ADCY5: variants seen among roughly 807,000 people sequenced by gnomAD.
ADCY5 encodes adenylate cyclase 5, also known as adenylate cyclase type 5.
A neutral mutation model predicts 119.7 loss-of-function variants in ADCY5; 30 were observed. That is an observed-to-expected ratio of 0.25 (90% CI 0.19 to 0.34). The LOEUF is 0.34. ADCY5 is among the 10% of genes least tolerant of loss of function. ADCY5 has a pLI of 1.00. For synonymous variants in ADCY5, 753 were observed against 762.2 expected (o/e 0.99, Z 0.20); for missense variants, 1,324 against 1,775.2 (o/e 0.75, Z 4.57).
intron 1 of ADCY5, among the ~76,000 whole-genome samples, chr3:123,367,727 C>T (rs1231548915): frequency 6.6e-6 from 1 of 152,120 alleles, no homozygotes; most frequent in African/African-American, 2.4e-5. Flanking sequence ...CCACCCTACA[C>T]AGGTGAAGTG....
At chr3:123,346,238 C>T (rs139974315) in intron 3 of ADCY5, among the ~76,000 whole-genome samples, 1 of 152,196 alleles carries the variant, frequency 6.6e-6, no homozygotes, top group African/African-American at 2.4e-5. Flanking sequence ...GGCTCAAGCC[C>T]GGAAGTCCGG....
intron 1 of ADCY5, among the ~76,000 whole-genome samples, chr3:123,388,927 T>C (rs1297305869): frequency 1.3e-5 from 2 of 150,762 alleles, no homozygotes; most frequent in South Asian, 2.1e-4. Flanking sequence ...CGCCAGGGAG[T>C]GAAGGAGGTG....
At chr3:123,291,751 C>T (rs1428673687) in intron 17 of ADCY5, among the ~76,000 whole-genome samples, 1 of 152,152 alleles carries the variant, frequency 6.6e-6, no homozygotes, top group African/African-American at 2.4e-5. Flanking sequence ...CAAAACACAG[C>T]CCACACAGCC....
chr3:123,345,765 G>GACAC (rs1491192654), intron 3 of ADCY5, among the ~76,000 whole-genome samples: 3,880 of 135,316 alleles, frequency 0.029, 196 homozygotes, highest in African/African-American at 0.11. Context: ...CAGACAGACA[G>GACAC]ACAGACACAC....
intron 17 of ADCY5, among the ~76,000 whole-genome samples, chr3:123,294,286 G>A (rs1421902750): frequency 6.6e-6 from 1 of 152,218 alleles, no homozygotes. Context: ...ACTGAGACAA[G>A]CAGGAGCCAC....
intron 12 of ADCY5, among the ~76,000 whole-genome samples, chr3:123,304,878 C>CT (rs938740720): frequency 2.0e-5 from 3 of 152,186 alleles, no homozygotes; most frequent in African/African-American, 7.2e-5. Context: ...TCTGATGCAG[C>CT]TGGCCTTGTA....
chr3:123,383,964 G>GCA (rs1944127265), intron 1 of ADCY5, among the ~76,000 whole-genome samples: 7 of 131,294 alleles, frequency 5.3e-5, no homozygotes, highest in East Asian at 5.0e-4. Context: ...GCACGTGCGC[G>GCA]CGCGCACACA....
intron 12 of ADCY5, among the ~76,000 whole-genome samples, chr3:123,312,778 G>A (rs143327744): frequency 2.0e-5 from 3 of 152,292 alleles, no homozygotes; most frequent in South Asian, 4.1e-4. Context: ...TTTACAGCAC[G>A]TTTTGTTTAT....
In ADCY5 at chr3:123,289,825, C is replaced by T. The variant is rs761168623; in HGVS notation, c.3457G>A (p.Asp1153Asn). The stretch of plus-strand genomic sequence containing the variant: ...TGGTCCATCAGCTTCATGGCAAAGT[C>T]GGCCAGTGCCTTGATGTGGGTCTTG... ...VGKTHIKALA[D>N]FAMKLMDQMK... Residue 1153 changes from aspartate to asparagine, a missense_variant, in exon 19 of 21, where the codon GAC becomes AAC. By Grantham distance (23) the Asp-to-Asn change is conservative. Coordinates refer to ENST00000462833, the MANE Select transcript of ADCY5 (RefSeq NM_183357.3). The T allele has an allele frequency of 1.6e-5, 26 of 1,614,234 alleles. No homozygotes were observed. In the Admixed American group the frequency reaches 3.3e-4, roughly 21 times the overall value.
chr3:123,434,190 G>T (rs1396142621), intron 1 of ADCY5, among the ~76,000 whole-genome samples: 1 of 152,220 alleles, frequency 6.6e-6, no homozygotes, highest in Non-Finnish European at 1.5e-5. Flanking sequence ...ATCTGAATTT[G>T]TACAGCAGCT....
chr3:123,303,013 G>A (rs1939932722), intron 14 of ADCY5, 42 bp downstream of exon 14: 2 of 1,603,018 alleles, frequency 1.2e-6, no homozygotes, highest in Non-Finnish European at 8.5e-7. Context: ...GGAGGGCAAG[G>A]GACTCTTCAG....
At chr3:123,336,505 G>A (rs945854247) in intron 3 of ADCY5, among the ~76,000 whole-genome samples, 1 of 152,234 alleles carries the variant, frequency 6.6e-6, no homozygotes, top group African/African-American at 2.4e-5. Context: ...GCAAAGGCCT[G>A]GCTTTGGGGG....
intron 1 of ADCY5, among the ~76,000 whole-genome samples, chr3:123,438,137 C>G (rs1054531125): frequency 9.9e-5 from 15 of 152,124 alleles, no homozygotes; most frequent in African/African-American, 2.2e-4. Flanking sequence ...CCTCCCAGCC[C>G]CTGAAGAATT....
At chr3:123,339,821 A>C (rs1400019697) in intron 3 of ADCY5, among the ~76,000 whole-genome samples, 1 of 148,312 alleles carries the variant, frequency 6.7e-6, no homozygotes, top group Non-Finnish European at 1.5e-5. Context: ...TAGAAAGTCT[A>C]GAAAGATTTA....
chr3:123,327,769 G>A lies in ADCY5; in HGVS notation c.1806-10C>T, dbSNP rs1469409972. The A allele has an allele frequency of 2.5e-6, 4 of 1,613,752 alleles. No homozygotes were observed. The highest frequency in any genetic ancestry group is 1.1e-5 in the South Asian group (1 of 91,030). On this transcript the variant is annotated splice_polypyrimidine_tract_variant and intron_variant, in intron 6 of 20. Transcript: ENST00000462833. ...GGTGATGTGGATGCGTCTACAGGGGGGCAGGGATCAGGGTGGAGAGGGCAG... is the reference window on the plus strand; with the variant it reads ...GGTGATGTGGATGCGTCTACAGGGGAGCAGGGATCAGGGTGGAGAGGGCAG...
intron 1 of ADCY5, among the ~76,000 whole-genome samples, chr3:123,431,339 G>A (rs1180980652): frequency 1.3e-5 from 2 of 152,128 alleles, no homozygotes; most frequent in African/African-American, 2.4e-5. Context: ...GGAGGCTGAG[G>A]CAGAAGGATC....
In ADCY5 at chr3:123,286,862, C is replaced by T. The variant is rs112534804; in HGVS notation, c.3533-53G>A. ...CATCACATCTCTGGCTTGACCTTGC[C>T]ACCATCTGTCTCCCCACATGCTGCA... On this transcript the variant is annotated intron_variant, in intron 19 of 20. Transcript: ENST00000462833. The surrounding 1 kb of genome is among the most constrained non-coding windows in gnomAD (Gnocchi z 4.2). The T allele has an allele frequency of 1.9e-4, 288 of 1,528,584 alleles. 1 individual carries two copies. In the African/African-American group the frequency reaches 3.6e-3, roughly 19 times the overall value. The allele number at this position is 1,528,584 out of a possible 1,614,324, so 94.7% of individuals were successfully genotyped here.
At chr3:123,364,166 C>T (rs1032109787) in intron 1 of ADCY5, among the ~76,000 whole-genome samples, 5 of 151,690 alleles carry the variant, frequency 3.3e-5, no homozygotes, top group Non-Finnish European at 4.4e-5. Flanking sequence ...TTCTTTATAC[C>T]AATGAATACT....
chr3:123,352,418 G>A lies in ADCY5; in HGVS notation c.1284+14C>T. 2 of 1,608,532 alleles carry A rather than the reference G, an allele frequency of 1.2e-6. No homozygotes were observed. Among genetic ancestry groups the A allele is most frequent in the South Asian group, 1.1e-5 (1 of 90,716 alleles). On this transcript the variant is annotated intron_variant, in intron 2 of 20. Transcript: ENST00000462833. The surrounding 1 kb of genome is among the most constrained non-coding windows in gnomAD (Gnocchi z 4.8). Reference sequence around the variant, plus strand: ...GACTCCGTCCCACTGTGCAAGGGCAGGGGCCTCACTCACCTGCTGCTGGTT... The same window carrying A: ...GACTCCGTCCCACTGTGCAAGGGCAAGGGCCTCACTCACCTGCTGCTGGTT...
Sources: allele counts gnomAD v4.1 joint callset (sites outside exome capture counted in the v4.1 genomes callset), GRCh38; gene constraint gnomAD v4.1.1; non-coding constraint Gnocchi (gnomAD v3.1); transcripts MANE v1.5; gene names NCBI Gene and HGNC (gene_info 2026-07-23, HGNC 2026-07-21).